Variants in SCD5 observed in about 807,000 individuals in gnomAD.
SCD5 encodes stearoyl-CoA desaturase 5.
Under a neutral mutation model 30.4 loss-of-function variants are expected in SCD5, and 20 were observed. That is an observed-to-expected ratio of 0.66 (90% CI 0.46 to 0.96). The LOEUF (loss-of-function observed/expected upper bound fraction) is 0.96, where lower values mean the gene tolerates loss of function less well. Among genes scored for constraint, SCD5 ranks in the 40% least tolerant of loss-of-function variants. SCD5 has a pLI of 0.00. For synonymous variants in SCD5, 173 were observed against 176.4 expected (o/e 0.98, Z 0.16); for missense variants, 381 against 443.3 (o/e 0.86, Z 1.26).
intron 3 of SCD5, among the ~76,000 whole-genome samples, chr4:82,654,460 A>G (rs1308816351): frequency 2.0e-5 from 3 of 152,222 alleles, no homozygotes; most frequent in Non-Finnish European, 2.9e-5. Context: ...TACCCTTTGC[A>G]GTTAGATATC....
At chr4:82,781,188 G>A (rs1280085088) in intron 1 of SCD5, among the ~76,000 whole-genome samples, 1 of 152,168 alleles carries the variant, frequency 6.6e-6, no homozygotes, top group Admixed American at 6.5e-5. Context: ...GCCGAGGCAG[G>A]CAGATTGCCT....
intron 1 of SCD5, among the ~76,000 whole-genome samples, chr4:82,761,730 CT>C (rs539211204): frequency 4.7e-4 from 72 of 152,024 alleles, no homozygotes; most frequent in Non-Finnish European, 9.7e-4. Context: ...TCCCTCCCCC[CT>C]CTCCCCACCC....
At chr4:82,646,853 C>T (rs1448848398) in intron 3 of SCD5, among the ~76,000 whole-genome samples, 1 of 152,226 alleles carries the variant, frequency 6.6e-6, no homozygotes, top group East Asian at 1.9e-4. Flanking sequence ...GACGGAGTCT[C>T]GCTCTGTCAC....
intron 1 of SCD5, among the ~76,000 whole-genome samples, chr4:82,762,577 C>T (rs1415182140): frequency 6.6e-6 from 1 of 152,124 alleles, no homozygotes; most frequent in Non-Finnish European, 1.5e-5. Context: ...GGTCCAGTCT[C>T]CTAACATTCG....
At chr4:82,765,578 C>T (rs72909672) in intron 1 of SCD5, among the ~76,000 whole-genome samples, 1,576 of 151,894 alleles carry the variant, frequency 0.01, 23 homozygotes, top group African/African-American at 0.036. Flanking sequence ...AATTGTTATA[C>T]TGTATTGCTT....
At position 82,631,115 on chromosome 4, in the gene SCD5, AC is replaced by A. The variant is rs1242101354; in HGVS notation, c.*211del. The stretch of plus-strand genomic sequence containing the variant: ...GACAGAGTGAGACTCTGTCTCAAAA[AC>A]AAAACAAACAAAAAAAAAAACGAAA... On this transcript the variant is annotated 3_prime_UTR_variant, in exon 5 of 5. Transcript: ENST00000319540. 1.5e-5 allele frequency: 7 copies of A among 475,950 alleles called. No homozygotes were observed. The highest frequency in any genetic ancestry group is 2.6e-5 in the Non-Finnish European group (7 of 274,390). The allele number at this position is 475,950 out of a possible 1,614,324, so 29.5% of individuals were successfully genotyped here. A position where few individuals can be genotyped will look rare whatever the true frequency, so the allele number is the denominator to read the frequency against.
At chr4:82,774,997 T>C (rs1436294342) in intron 1 of SCD5, among the ~76,000 whole-genome samples, 2 of 152,196 alleles carry the variant, frequency 1.3e-5, no homozygotes, top group African/African-American at 4.8e-5. Flanking sequence ...TCCTCTGGCA[T>C]GTTCCAGATT....
At chr4:82,737,521 C>T (rs1720776860) in intron 1 of SCD5, among the ~76,000 whole-genome samples, 3 of 152,162 alleles carry the variant, frequency 2.0e-5, no homozygotes, top group Non-Finnish European at 4.4e-5. Flanking sequence ...GTTCCTGCTG[C>T]CCCATTTTCT....
rs779452468 is a variant in SCD5, at chr4:82,630,975, G to A, written c.*352C>T. 4.9e-4 allele frequency: 79 copies of A among 160,318 alleles called. No individual in the cohort carries two copies. The highest frequency in any genetic ancestry group is 1.6e-4 in the Non-Finnish European group (12 of 74,316). The allele number at this position is 160,318 out of a possible 1,614,324, so 9.9% of individuals were successfully genotyped here. On this transcript the variant is annotated 3_prime_UTR_variant, in exon 5 of 5. Transcript: ENST00000319540. ...AATACAAAAAAATTAGCTGGGTGTG[G>A]TGGCAGGCTCCTGTAATCTCAGCTA...
intron 1 of SCD5, among the ~76,000 whole-genome samples, chr4:82,761,899 G>A (rs533543969): frequency 2.0e-5 from 3 of 151,986 alleles, no homozygotes; most frequent in Non-Finnish European, 2.9e-5. Flanking sequence ...ATGGCCGGGC[G>A]TAGTGGCTCA....
At chr4:82,771,840 C>T (rs1721629414) in intron 1 of SCD5, among the ~76,000 whole-genome samples, 1 of 152,220 alleles carries the variant, frequency 6.6e-6, no homozygotes, top group African/African-American at 2.4e-5. Context: ...GTTCCACACA[C>T]ATCTGTTGCA....
At chr4:82,771,184 G>T (rs1721613498) in intron 1 of SCD5, among the ~76,000 whole-genome samples, 4 of 152,078 alleles carry the variant, frequency 2.6e-5, no homozygotes, top group Admixed American at 2.0e-4. Context: ...GCCCAGACTG[G>T]TCTCATACTC....
chr4:82,733,690 G>A (rs947799530), intron 1 of SCD5, among the ~76,000 whole-genome samples: 1 of 152,060 alleles, frequency 6.6e-6, no homozygotes, highest in African/African-American at 2.4e-5. Flanking sequence ...AATTCACAAG[G>A]GTCCCTGCGC....
chr4:82,730,734 C>T (rs1458081103), intron 1 of SCD5, among the ~76,000 whole-genome samples: 1 of 151,484 alleles, frequency 6.6e-6, no homozygotes, highest in Non-Finnish European at 1.5e-5. Context: ...TACAGGCACC[C>T]ACCACCACGC....
intron 3 of SCD5, among the ~76,000 whole-genome samples, chr4:82,656,845 T>C (rs1727876996): frequency 1.3e-5 from 2 of 152,250 alleles, no homozygotes; most frequent in Admixed American, 6.5e-5. Flanking sequence ...ATTTCTCTAA[T>C]GACCAGTGAT....
At position 82,712,269 on chromosome 4, in the gene SCD5, TATATATATATATATATATATATATA is replaced by T. The variant is rs1560540756; in HGVS notation, c.233-6881_233-6857del. ...ATATATATATATATATATATATATA[TATATATATATATATATATATATATA>T]TATTTTATTTTTATTTTATTTTTTT... On this transcript the variant is annotated intron_variant, in intron 1 of 4. Coordinates refer to ENST00000319540, the MANE Select transcript of SCD5 (RefSeq NM_001037582.3). 1.6e-4 allele frequency among the ~76,000 whole-genome samples: 8 copies of T among 49,208 alleles called. 2 individuals carry two copies. Among genetic ancestry groups the T allele is most frequent in the African/African-American group, 1.1e-3 (8 of 7,318 alleles). 32.3% of individuals were successfully genotyped at this position (49,208 alleles called of 152,430 possible).
At chr4:82,736,855 G>A (rs566074021) in intron 1 of SCD5, among the ~76,000 whole-genome samples, 3 of 151,770 alleles carry the variant, frequency 2.0e-5, no homozygotes, top group East Asian at 3.9e-4. Context: ...TTGTAGACAC[G>A]GGGTCTTGCC....
rs17006297 is a variant in SCD5 at position 82,752,918 on chromosome 4, T to C, written c.232+45388A>G. 6.5e-3 allele frequency among the ~76,000 whole-genome samples: 986 copies of C among 152,302 alleles called. 8 individuals are homozygous for C. The highest frequency in any genetic ancestry group is 0.023 in the African/African-American group (939 of 41,564). Reference sequence around the variant, plus strand: ...CCAGTGATAAAAGGGAGGTCCTCTTTGCTACCATTAAAATATATCTTTTAC... The same window carrying C: ...CCAGTGATAAAAGGGAGGTCCTCTTCGCTACCATTAAAATATATCTTTTAC... On this transcript the variant is annotated intron_variant, in intron 1 of 4. Transcript: ENST00000319540.
At chr4:82,716,524 C>T (rs1365989899) in intron 1 of SCD5, among the ~76,000 whole-genome samples, 4 of 151,764 alleles carry the variant, frequency 2.6e-5, no homozygotes, top group South Asian at 2.1e-4. Context: ...AAAATATTTG[C>T]GGAAGAAGCC....
Sources: gnomAD v4.1 joint callset for allele counts (sites outside exome capture counted in the v4.1 genomes callset) on GRCh38, gnomAD v4.1.1 for gene constraint, MANE v1.5 for transcripts, NCBI Gene and HGNC (gene_info 2026-07-23, HGNC 2026-07-21) for gene names.